COL5A3: variants seen among roughly 807,000 people sequenced by gnomAD.
The protein encoded by COL5A3 is collagen alpha-3(V) chain.
A neutral mutation model predicts 250.0 loss-of-function variants in COL5A3; 172 were observed. The ratio of observed to expected loss-of-function variants is 0.69; its 90% confidence interval spans 0.61 to 0.78. The LOEUF is 0.78. COL5A3 is among the 30% of genes least tolerant of loss of function. The pLI is 0.00. For synonymous variants in COL5A3, 937 were observed against 900.4 expected, an observed-to-expected ratio of 1.04 and a Z score of -0.73; for missense variants, 2,340 against 2,334.4, an observed-to-expected ratio of 1.00 and a Z score of -0.05.
At chr19:9,979,762 G>T in intron 37 of COL5A3, 77 bp downstream of exon 37, 1 of 1,352,596 alleles carries the variant, frequency 7.4e-7, no homozygotes, top group Non-Finnish European at 1.0e-6. Context: ...CTCTAGCCCA[G>T]GTGACAGAGT....
chr19:9,991,673 G>C lies in COL5A3; in HGVS notation c.1948-19C>G. The stretch of plus-strand genomic sequence containing the variant: ...GGAGTCCCTGGAGACAGAAAAAGAA[G>C]ATGAGAGAAGGCATAAGAAAGAAGC... On this transcript the variant is annotated intron_variant, in intron 23 of 66. Transcript: ENST00000264828. 2 of 1,612,990 alleles carry C rather than the reference G, an allele frequency of 1.2e-6. No individual in the cohort carries two copies. The highest frequency in any genetic ancestry group is 1.7e-6 in the Non-Finnish European group (2 of 1,179,404).
In COL5A3 at chr19:9,979,841, G is replaced by A; in HGVS notation, c.2710C>T (p.Leu904=). 1 of 1,582,590 alleles carries A rather than the reference G, an allele frequency of 6.3e-7. No homozygotes were observed. Among genetic ancestry groups the A allele is most frequent in the South Asian group, 1.2e-5 (1 of 85,286 alleles). The change falls in exon 37 of 67, where the codon CTG becomes TTG. Residue 904 remains leucine, a splice_region_variant and synonymous_variant. Transcript: ENST00000264828. ...RPGHPGQRGE[L]GFQGQTGPPG... ...TCAAAGGTTGAGGGGTTACTCACCA[G>A]TTCTCCTCTCTGTCCAGGGTGCCCT...
In COL5A3 at chr19:10,009,525, C is replaced by G. The variant is rs1350988860; in HGVS notation, c.88+773G>C. Among the ~76,000 whole-genome samples, 1 of 152,168 alleles carries G rather than the reference C, an allele frequency of 6.6e-6. No individual in the cohort carries two copies. The highest frequency in any genetic ancestry group is 2.4e-5 in the African/African-American group (1 of 41,504). The stretch of plus-strand genomic sequence containing the variant: ...GAGCAACTTCCACTCCTGCCCCGCC[C>G]TGCGCCCCGCCCCGTCTCGCCCCTC... On this transcript the variant is annotated intron_variant, in intron 1 of 66. Coordinates refer to ENST00000264828, the MANE Select transcript of COL5A3 (RefSeq NM_015719.4). This position sits in a 1 kb window ranked among gnomAD's most constrained non-coding sequence, Gnocchi z 4.4.
At chr19:9,998,425 TCTAA>T (rs1284804553) in intron 8 of COL5A3, among the ~76,000 whole-genome samples, 2 of 152,152 alleles carry the variant, frequency 1.3e-5, no homozygotes, top group Non-Finnish European at 2.9e-5. Flanking sequence ...AACTGAGTGA[TCTAA>T]CTAAGTTGGG....
rs570427193 is a variant in COL5A3, at chr19:10,009,161, G to GGTTGTGT, written c.88+1136_88+1137insACACAAC. Among the ~76,000 whole-genome samples the GGTTGTGT allele has an allele frequency of 1.6e-3, 224 of 140,434 alleles. 1 individual carries two copies. The highest frequency in any genetic ancestry group is 4.0e-3 in the South Asian group (17 of 4,198). 92.1% of individuals were successfully genotyped at this position (140,434 alleles called of 152,430 possible). A position where few individuals can be genotyped will look rare whatever the true frequency, so the allele number is the denominator to read the frequency against. On this transcript the variant is annotated intron_variant, in intron 1 of 66. Transcript: ENST00000264828. This position sits in a 1 kb window ranked among gnomAD's most constrained non-coding sequence, Gnocchi z 4.4. ...GACTCCAAAGTAAGAAGTGTGCTGT[G>GGTTGTGT]GTGTGTGTGTGTGTGTGTGTGTGTG...
intron 44 of COL5A3, 50 bp downstream of exon 44, chr19:9,977,179 C>A: frequency 6.3e-7 from 1 of 1,586,938 alleles, no homozygotes; most frequent in Non-Finnish European, 8.7e-7. Context: ...CTGGCCTCCT[C>A]TTTCTTCCGC....
Position 9,997,400 on chromosome 19 carries a change from G to A in COL5A3, c.1234C>T (p.Pro412Ser), listed in dbSNP as rs1404354278. 21 of 1,610,338 alleles carry A rather than the reference G, an allele frequency of 1.3e-5. No individual in the cohort carries two copies. Among genetic ancestry groups the A allele is most frequent in the African/African-American group, 2.7e-5 (2 of 74,880 alleles). The change falls in exon 11 of 67, where the codon CCA becomes TCA. Residue 412 changes from proline (P) to serine (S), a missense_variant. Physicochemically the swap from Pro to Ser is moderately conservative, Grantham distance 74. Transcript: ENST00000264828. ...GGACCAGGGTCGCCAGGGAATCCTGGGGGGCCGGGAGGGCCTGAGGGGCCA... is the reference window on the plus strand; with the variant it reads ...GGACCAGGGTCGCCAGGGAATCCTGAGGGGCCGGGAGGGCCTGAGGGGCCA... ...VVGPSGPPGP[P>S]GFPGDPGPPG...
Position 9,983,592 on chromosome 19 carries a change from GAAAGAA to G in COL5A3, c.2407-1480_2407-1475del, listed in dbSNP as rs1568418812. ...AGAAAGAAAGAAAGAAAGAAAGAAAGAAAGAAAGAGAAAGAGAGAGAGAGAGAAAGA... is the reference window on the plus strand; with the variant it reads ...AGAAAGAAAGAAAGAAAGAAAGAAAGAGAGAAAGAGAGAGAGAGAGAAAGA... On this transcript the variant is annotated intron_variant, in intron 31 of 66. Coordinates refer to ENST00000264828, the MANE Select transcript of COL5A3 (RefSeq NM_015719.4). 1.8e-3 allele frequency among the ~76,000 whole-genome samples: 127 copies of G among 68,940 alleles called. 7 individuals are homozygous for G. Among genetic ancestry groups the G allele is most frequent in the African/African-American group, 6.8e-3 (114 of 16,854 alleles). The allele number at this position is 68,940 out of a possible 152,430, so 45.2% of individuals were successfully genotyped here.
intron 27 of COL5A3, among the ~76,000 whole-genome samples, chr19:9,987,398 TTGGCTA>T (rs1306484708): frequency 6.6e-6 from 1 of 152,072 alleles, no homozygotes; most frequent in African/African-American, 2.4e-5. Flanking sequence ...AACATAGGGG[TTGGCTA>T]CAATGTAACT....
chr19:9,980,839 C>T lies in COL5A3; in HGVS notation c.2526G>A (p.Gly842=), dbSNP rs760933796. The T allele has an allele frequency of 6.2e-6, 10 of 1,611,552 alleles. No individual in the cohort carries two copies. The highest frequency in any genetic ancestry group is 8.5e-6 in the Non-Finnish European group (10 of 1,178,836). Reference sequence around the variant, plus strand: ...CTGGTTGCCCTGTGGCACCCGGTTGCCCCCTCTCTCCACGGGAACCCTGAA... The same window carrying T: ...CTGGTTGCCCTGTGGCACCCGGTTGTCCCCTCTCTCCACGGGAACCCTGAA... ...RGPPGSRGER[G]QPGATGQPGP... Residue 842 remains glycine, a synonymous_variant, in exon 34 of 67, where the codon GGG becomes GGA. Coordinates refer to ENST00000264828, the MANE Select transcript of COL5A3 (RefSeq NM_015719.4).
Position 10,005,780 on chromosome 19 carries a change from C to T in COL5A3, c.437+16G>A. ...CCCCTTATCCACGGACCCCCGCCCA[C>T]TCTCCCCATGCTCACCTGCCATCTG... is the stretch of plus-strand genomic sequence containing the variant. On this transcript the variant is annotated intron_variant, in intron 3 of 66. Transcript: ENST00000264828. 6.2e-7 allele frequency: 1 copy of T among 1,603,536 alleles called. No individual in the cohort carries two copies. Among genetic ancestry groups the T allele is most frequent in the Non-Finnish European group, 8.5e-7 (1 of 1,172,908 alleles).
chr19:9,984,374 G>A (rs1406173181), intron 31 of COL5A3, among the ~76,000 whole-genome samples: 4 of 152,140 alleles, frequency 2.6e-5, no homozygotes, highest in African/African-American at 9.7e-5. Flanking sequence ...ACTCATCAGT[G>A]ATATAATATG....
Position 10,009,681 on chromosome 19 carries a change from G to A in COL5A3, c.88+617C>T, listed in dbSNP as rs2087498277. On this transcript the variant is annotated intron_variant, in intron 1 of 66. Coordinates refer to ENST00000264828, the MANE Select transcript of COL5A3 (RefSeq NM_015719.4). This position sits in a 1 kb window ranked among gnomAD's most constrained non-coding sequence, Gnocchi z 4.4. ...CCAATTTGGGGCAGAGGAGGAAAAG[G>A]GAGAATGAGGTGAAGCCATTTAAAG... Among the ~76,000 whole-genome samples, 1 of 152,046 alleles carries A rather than the reference G, an allele frequency of 6.6e-6. No individual in the cohort carries two copies. The highest frequency in any genetic ancestry group is 1.5e-5 in the Non-Finnish European group (1 of 68,014).
intron 10 of COL5A3, among the ~76,000 whole-genome samples, 160 bp from the exon 11 acceptor site, chr19:9,997,593 G>A (rs1432732576): frequency 6.6e-6 from 1 of 151,450 alleles, no homozygotes; most frequent in Non-Finnish European, 1.5e-5. Context: ...CACCCCCAAC[G>A]CTACTCTCGG....
chr19:9,981,969 C>A (rs2087017414), intron 32 of COL5A3, 96 bp downstream of exon 32: 2 of 950,836 alleles, frequency 2.1e-6, no homozygotes, highest in Non-Finnish European at 3.4e-6. Context: ...GGCATAGACA[C>A]AAACACCCAG....
rs577268224 is a variant in COL5A3 at position 10,004,199 on chromosome 19, A to G, written c.595-54T>C. 2.9e-6 allele frequency: 4 copies of G among 1,361,996 alleles called. No individual in the cohort carries two copies. In the South Asian group the frequency reaches 3.5e-5, roughly 12 times the overall value. The allele number at this position is 1,361,996 out of a possible 1,614,324, so 84.4% of individuals were successfully genotyped here. On this transcript the variant is annotated intron_variant, in intron 4 of 66. Transcript: ENST00000264828. ...AGGGCAGCCATACAGCCATAGGCTT[A>G]CTCTGACCCCCTAACCCCCAGCAGT...
chr19:10,010,399 AC>A lies in COL5A3; in HGVS notation c.-15del. On this transcript the variant is annotated 5_prime_UTR_variant, in exon 1 of 67. Transcript: ENST00000264828. The stretch of plus-strand genomic sequence containing the variant: ...GCGGTTCCCCATCCCGGCGGGGCCC[AC>A]GGGCAAGGCGGGGAACCAGTCGGGG... 1 of 1,416,598 alleles carries A rather than the reference AC, an allele frequency of 7.1e-7. No individual in the cohort carries two copies. The highest frequency in any genetic ancestry group is 1.5e-5 in the African/African-American group (1 of 66,910). The allele number at this position is 1,416,598 out of a possible 1,614,324, so 87.8% of individuals were successfully genotyped here.
intron 21 of COL5A3, among the ~76,000 whole-genome samples, chr19:9,992,325 C>G (rs2145121429): frequency 6.6e-6 from 1 of 152,076 alleles, no homozygotes; most frequent in Non-Finnish European, 1.5e-5. Context: ...AGGAGAATAG[C>G]TTGAACGTGG....
At chr19:10,006,307 G>C in intron 1 of COL5A3, 76 bp from the exon 2 acceptor site, 8 of 1,392,778 alleles carry the variant, frequency 5.7e-6, no homozygotes, top group Non-Finnish European at 6.7e-6. Flanking sequence ...CCAGGATAGA[G>C]GCTCAGGGTT....
Sources: allele counts gnomAD v4.1 joint callset (sites outside exome capture counted in the v4.1 genomes callset), GRCh38; gene constraint gnomAD v4.1.1; non-coding constraint Gnocchi (gnomAD v3.1); transcripts MANE v1.5; gene names NCBI Gene and HGNC (gene_info 2026-07-23, HGNC 2026-07-21).